FANCE: variants seen among roughly 807,000 people sequenced by gnomAD.
The protein encoded by FANCE is FA complementation group E, also known as Fanconi anemia group E protein.
In FANCE, 42 loss-of-function variants were observed where a neutral mutation model predicts 57.8. The observed-to-expected ratio is 0.73, with a 90% CI of 0.57 to 0.94. The LOEUF (loss-of-function observed/expected upper bound fraction) is 0.94. Ranked by LOEUF, FANCE falls within the 40% of genes least tolerant of loss-of-function variation. FANCE has a pLI of 0.00. For missense variants in FANCE, 608 were observed against 661.8 expected, an observed-to-expected ratio of 0.92 and a Z score of 0.89; for synonymous variants, 251 against 286.4, an observed-to-expected ratio of 0.88 and a Z score of 1.25.
rs373252078 is a variant in FANCE at position 35,456,519 on chromosome 6, CTT to C, written c.855+177_855+178del. Among the ~76,000 whole-genome samples the C allele has an allele frequency of 4.1e-5, 6 of 145,094 alleles. No homozygotes were observed. The highest frequency in any genetic ancestry group is 3.2e-3 in the Middle Eastern group (1 of 310). ...GAATGTAGCCTCCACTCTACAGACT[CTT>C]TTTTTTTTTTGAGATGGAGTTTTGC... is the stretch of plus-strand genomic sequence containing the variant. On this transcript the variant is annotated intron_variant, in intron 2 of 9. Transcript: ENST00000229769. The surrounding 1 kb of genome is among the most constrained non-coding windows in gnomAD (Gnocchi z 4.3).
intron 8 of FANCE, among the ~76,000 whole-genome samples, chr6:35,461,370 T>A (rs1390899205): frequency 6.6e-6 from 1 of 152,178 alleles, no homozygotes; most frequent in South Asian, 2.1e-4. Flanking sequence ...GTGAAAAATA[T>A]TCCCCTTACT....
rs1033419585 is a variant in FANCE, at chr6:35,462,704, G to A, written c.1384-85G>A. On this transcript the variant is annotated intron_variant, in intron 8 of 9. Transcript: ENST00000229769. ...CAGGGTCACCTAGCTAGGAAGTGGTGGAGTTGGGAATTGAATCCAGGACTG... is the reference window on the plus strand; with the variant it reads ...CAGGGTCACCTAGCTAGGAAGTGGTAGAGTTGGGAATTGAATCCAGGACTG... 5 of 1,585,022 alleles carry A rather than the reference G, an allele frequency of 3.2e-6. 1 individual carries two copies. The highest frequency in any genetic ancestry group is 2.7e-5 in the African/African-American group (2 of 74,508).
rs567313440 is a variant in FANCE at position 35,458,354 on chromosome 6, C to T, written c.1027C>T (p.Arg343Trp). Reference protein sequence around the residue: ...LPQLSDLGLLRLCTWLLALSP... With the variant: ...LPQLSDLGLLWLCTWLLALSP... Reference sequence around the variant, plus strand: ...TCAGCTCTCAGACCTCGGTCTCCTGCGGCTCTGCACCTGGCTGCTGGCCCT... The same window carrying T: ...TCAGCTCTCAGACCTCGGTCTCCTGTGGCTCTGCACCTGGCTGCTGGCCCT... Residue 343 changes from arginine to tryptophan, a missense_variant, in exon 5 of 10, where the codon CGG becomes TGG. Physicochemically the swap from Arg to Trp is moderately radical, Grantham distance 101. Transcript: ENST00000229769. 80 of 1,614,020 alleles carry T rather than the reference C, an allele frequency of 5.0e-5. No homozygotes were observed. Among genetic ancestry groups the T allele is most frequent in the Non-Finnish European group, 4.9e-5 (58 of 1,180,040 alleles).
intron 8 of FANCE, among the ~76,000 whole-genome samples, chr6:35,461,490 C>T (rs1767586455): frequency 6.6e-6 from 1 of 152,198 alleles, no homozygotes; most frequent in South Asian, 2.1e-4. Flanking sequence ...AACATGTCTA[C>T]TCTTACTTTC....
intron 8 of FANCE, 85 bp from the exon 9 acceptor site, chr6:35,462,704 G>C: frequency 6.3e-7 from 1 of 1,585,022 alleles, no homozygotes; most frequent in East Asian, 2.2e-5. Context: ...AGGAAGTGGT[G>C]GAGTTGGGAA....
chr6:35,461,869 T>G (rs1403077498), intron 8 of FANCE, among the ~76,000 whole-genome samples: 7 of 151,826 alleles, frequency 4.6e-5, no homozygotes, highest in Middle Eastern at 3.4e-3. Context: ...GGATGGTCTC[T>G]ATCTCCTGAC....
At chr6:35,461,830 G>A (rs1581706983) in intron 8 of FANCE, among the ~76,000 whole-genome samples, 1 of 150,946 alleles carries the variant, frequency 6.6e-6, no homozygotes, top group East Asian at 2.0e-4. Context: ...TGTATTTTTA[G>A]TAGAGATGGG....
intron 9 of FANCE, among the ~76,000 whole-genome samples, chr6:35,463,297 T>A (rs573387802): frequency 2.0e-5 from 3 of 151,734 alleles, no homozygotes; most frequent in South Asian, 4.2e-4. Context: ...AGACTCCATC[T>A]CAAAAACAAA....
chr6:35,465,016 G>A (rs185050322), intron 9 of FANCE, among the ~76,000 whole-genome samples: 66 of 152,122 alleles, frequency 4.3e-4, no homozygotes, highest in Non-Finnish European at 6.9e-4. Context: ...TTACAGGTGT[G>A]AGCCACCGCG....
Position 35,452,436 on chromosome 6 carries a change from TGGCCCGCCACCG to T in FANCE, c.-109_-98del, listed in dbSNP as rs1202659657. 2 of 1,107,344 alleles carry T rather than the reference TGGCCCGCCACCG, an allele frequency of 1.8e-6. No homozygotes were observed. The highest frequency in any genetic ancestry group is 6.9e-5 in the East Asian group (2 of 29,142). The allele number at this position is 1,107,344 out of a possible 1,614,324, so 68.6% of individuals were successfully genotyped here. Reference sequence around the variant, plus strand: ...GAGAGCTTGTAACAGGCGCTGGAGCTGGCCCGCCACCGCCGCGTCAGGGACGGCGCTGGAGTC... The same window carrying T: ...GAGAGCTTGTAACAGGCGCTGGAGCTCCGCGTCAGGGACGGCGCTGGAGTC... On this transcript the variant is annotated 5_prime_UTR_variant, in exon 1 of 10. Coordinates refer to ENST00000229769, the MANE Select transcript of FANCE (RefSeq NM_021922.3).
intron 5 of FANCE, 148 bp downstream of exon 5, chr6:35,458,588 C>A: frequency 1.0e-6 from 1 of 978,388 alleles, no homozygotes; most frequent in Non-Finnish European, 1.6e-6. Context: ...AGGATGCCTG[C>A]TTAACTGGCA....
At position 35,456,719 on chromosome 6, in the gene FANCE, G is replaced by T. The variant is rs1767358622; in HGVS notation, c.855+366G>T. Among the ~76,000 whole-genome samples the T allele has an allele frequency of 6.6e-6, 1 of 151,844 alleles. No individual in the cohort carries two copies. Among genetic ancestry groups the T allele is most frequent in the African/African-American group, 2.4e-5 (1 of 41,318 alleles). On this transcript the variant is annotated intron_variant, in intron 2 of 9. Transcript: ENST00000229769. The surrounding 1 kb of genome is among the most constrained non-coding windows in gnomAD (Gnocchi z 4.3). ...AGTAGAGACAGGGTTTCTCCATGTTGGTCAGGCTGGTCTTGAACTCCTGAC... is the reference window on the plus strand; with the variant it reads ...AGTAGAGACAGGGTTTCTCCATGTTTGTCAGGCTGGTCTTGAACTCCTGAC...
intron 2 of FANCE, 98 bp from the exon 3 acceptor site, chr6:35,457,458 C>A (rs1767390648): frequency 1.5e-6 from 2 of 1,348,820 alleles, no homozygotes; most frequent in Non-Finnish European, 2.1e-6. Context: ...AGCTAGCTCC[C>A]ACTGACCTGG....
intron 3 of FANCE, 100 bp downstream of exon 3, chr6:35,457,700 C>A: frequency 7.3e-7 from 1 of 1,378,186 alleles, no homozygotes; most frequent in Non-Finnish European, 1.0e-6. Flanking sequence ...TACAAGCTGG[C>A]TGGGGGAGGG....
At chr6:35,461,379 C>T (rs982268592) in intron 8 of FANCE, among the ~76,000 whole-genome samples, 1 of 152,184 alleles carries the variant, frequency 6.6e-6, no homozygotes, top group African/African-American at 2.4e-5. Context: ...ATTCCCCTTA[C>T]TTCTCTTCCC....
intron 7 of FANCE, 114 bp from the exon 8 acceptor site, chr6:35,460,437 TG>T: frequency 2.9e-6 from 3 of 1,024,624 alleles, no homozygotes; most frequent in Non-Finnish European, 4.6e-6. Context: ...CTTTGTTGGC[TG>T]GGGATCTTGG....
intron 7 of FANCE, among the ~76,000 whole-genome samples, 159 bp downstream of exon 7, chr6:35,459,919 T>TG (rs1389219558): frequency 6.6e-6 from 1 of 152,168 alleles, no homozygotes; most frequent in East Asian, 1.9e-4. Context: ...GAGTCCTCTT[T>TG]GCCTTTTGTT....
rs1581696088 is a variant in FANCE at position 35,452,436 on chromosome 6, T to A, written c.-110T>A. On this transcript the variant is annotated 5_prime_UTR_variant, in exon 1 of 10. Coordinates refer to ENST00000229769, the MANE Select transcript of FANCE (RefSeq NM_021922.3). ...GAGAGCTTGTAACAGGCGCTGGAGC[T>A]GGCCCGCCACCGCCGCGTCAGGGAC... is the stretch of plus-strand genomic sequence containing the variant. The A allele has an allele frequency of 9.0e-7, 1 of 1,107,460 alleles. No individual in the cohort carries two copies. The highest frequency in any genetic ancestry group is 3.5e-4 in the Middle Eastern group (1 of 2,898). The allele number at this position is 1,107,460 out of a possible 1,614,324, so 68.6% of individuals were successfully genotyped here.
chr6:35,459,450 C>T lies in FANCE; in HGVS notation c.1233C>T (p.Gly411=). 6.2e-7 allele frequency: 1 copy of T among 1,614,072 alleles called. No individual in the cohort carries two copies. The highest frequency in any genetic ancestry group is 8.5e-7 in the Non-Finnish European group (1 of 1,180,024). ...ALLDPVLQAP[G]TGPAQTELLC... is the part of the protein sequence containing the mutation. ...TTGACCCTGTGCTCCAGGCCCCAGG[C>T]ACAGGTAATTCTGGAACCAGCCCCA... The change falls in exon 6 of 10, where the codon GGC becomes GGT. Residue 411 remains glycine (G), a synonymous_variant. Coordinates refer to ENST00000229769, the MANE Select transcript of FANCE (RefSeq NM_021922.3).
Sources: allele counts gnomAD v4.1 joint callset (sites outside exome capture counted in the v4.1 genomes callset), GRCh38; gene constraint gnomAD v4.1.1; non-coding constraint Gnocchi (gnomAD v3.1); transcripts MANE v1.5; gene names NCBI Gene and HGNC (gene_info 2026-07-23, HGNC 2026-07-21).